The following LRRTM4 variants were observed in gnomAD, a reference collection of about 807,000 sequenced individuals.
LRRTM4 encodes leucine-rich repeat transmembrane neuronal protein 4.
A neutral mutation model predicts 47.6 loss-of-function variants in LRRTM4; 25 were observed. That is an observed-to-expected ratio of 0.53 (90% CI 0.38 to 0.73). The LOEUF (loss-of-function observed/expected upper bound fraction) is 0.73. Ranked by LOEUF, LRRTM4 falls within the 30% of genes least tolerant of loss-of-function variation. LRRTM4 has a pLI of 0.00. For missense variants in LRRTM4, 638 were observed against 713.4 expected (o/e 0.89, Z 1.20); for synonymous variants, 311 against 269.5 (o/e 1.15, Z -1.51).
At chr2:76,931,160 T>C (rs6719689) in intron 3 of LRRTM4, among the ~76,000 whole-genome samples, 94,051 of 152,022 alleles carry the variant, frequency 0.62, 31,035 homozygotes, top group African/African-American at 0.85. Flanking sequence ...GAATAGAAAA[T>C]ATATTTACTT....
intron 3 of LRRTM4, among the ~76,000 whole-genome samples, chr2:77,290,012 C>CT (rs113388278): frequency 0.11 from 17,007 of 151,444 alleles, 1,912 homozygotes; most frequent in African/African-American, 0.28. Flanking sequence ...AGTTTGTTTG[C>CT]TTTTTTTTAG....
intron 3 of LRRTM4, among the ~76,000 whole-genome samples, chr2:77,206,487 A>G (rs1464078437): frequency 6.6e-6 from 1 of 151,474 alleles, no homozygotes; most frequent in Non-Finnish European, 1.5e-5. Context: ...GCTTTGCCTC[A>G]AAAAAGATTT....
intron 3 of LRRTM4, among the ~76,000 whole-genome samples, chr2:76,961,691 C>A (rs1675866167): frequency 6.6e-6 from 1 of 151,248 alleles, no homozygotes; most frequent in Non-Finnish European, 1.5e-5. Context: ...CTTCAGATTC[C>A]TGATCGTCAG....
chr2:76,764,431 A>C (rs771309499), intron 3 of LRRTM4, among the ~76,000 whole-genome samples: 4 of 152,260 alleles, frequency 2.6e-5, no homozygotes, highest in African/African-American at 9.6e-5. Flanking sequence ...GGAGATCGAG[A>C]CCATCCTGGC....
intron 3 of LRRTM4, among the ~76,000 whole-genome samples, chr2:77,504,042 G>A (rs1280373059): frequency 1.3e-5 from 2 of 151,476 alleles, no homozygotes; most frequent in East Asian, 3.9e-4. Context: ...TGAAAGGGAA[G>A]TATAATACAG....
chr2:77,497,140 T>A (rs1678394168), intron 3 of LRRTM4, among the ~76,000 whole-genome samples: 1 of 151,806 alleles, frequency 6.6e-6, no homozygotes, highest in Non-Finnish European at 1.5e-5. Flanking sequence ...TTTGTGGTGA[T>A]CTTACCGCTC....
chr2:76,985,752 T>A (rs1676772103), intron 3 of LRRTM4, among the ~76,000 whole-genome samples: 1 of 152,128 alleles, frequency 6.6e-6, no homozygotes, highest in Admixed American at 6.6e-5. Flanking sequence ...ACCGGCTTTT[T>A]TGAATGGCAT....
chr2:77,065,767 A>G (rs1185535960), intron 3 of LRRTM4, among the ~76,000 whole-genome samples: 1 of 152,164 alleles, frequency 6.6e-6, no homozygotes, highest in African/African-American at 2.4e-5. Context: ...TCCCCCCATT[A>G]GTTAACAGAA....
intron 3 of LRRTM4, among the ~76,000 whole-genome samples, chr2:77,068,852 G>T (rs1680050814): frequency 6.6e-6 from 1 of 152,198 alleles, no homozygotes; most frequent in Non-Finnish European, 1.5e-5. Flanking sequence ...GAAGGTTGTG[G>T]GTTTACCGGA....
chr2:76,845,467 G>A (rs1437122555), intron 3 of LRRTM4, among the ~76,000 whole-genome samples: 1 of 152,080 alleles, frequency 6.6e-6, no homozygotes, highest in Non-Finnish European at 1.5e-5. Flanking sequence ...CTGAAAACAA[G>A]GTGCAGTAAC....
At chr2:77,023,881 C>G (rs140762908) in intron 3 of LRRTM4, among the ~76,000 whole-genome samples, 3 of 152,080 alleles carry the variant, frequency 2.0e-5, no homozygotes, top group African/African-American at 7.2e-5. Context: ...TCAGCAATGC[C>G]CCACTCTAGT....
chr2:77,048,677 A>C (rs1397385469), intron 3 of LRRTM4, among the ~76,000 whole-genome samples: 1 of 151,956 alleles, frequency 6.6e-6, no homozygotes, highest in Non-Finnish European at 1.5e-5. Flanking sequence ...TTATGGGCAT[A>C]GTGTGATATT....
intron 3 of LRRTM4, among the ~76,000 whole-genome samples, chr2:77,114,964 C>A (rs914911945): frequency 6.6e-6 from 1 of 152,126 alleles, no homozygotes; most frequent in Admixed American, 6.6e-5. Flanking sequence ...AGCAGACAAC[C>A]AGTCTGACTA....
intron 3 of LRRTM4, among the ~76,000 whole-genome samples, chr2:76,997,280 T>G (rs1009432688): frequency 2.3e-4 from 35 of 152,142 alleles, no homozygotes; most frequent in Non-Finnish European, 4.4e-5. Flanking sequence ...CTCATGCAGT[T>G]CAAATACAGC....
At chr2:76,795,563 A>G (rs550842189) in intron 3 of LRRTM4, among the ~76,000 whole-genome samples, 1 of 146,772 alleles carries the variant, frequency 6.8e-6, no homozygotes, top group Admixed American at 6.9e-5. Flanking sequence ...ATGCATATAT[A>G]CATGTGCATA....
chr2:77,399,823 G>A (rs1178682914), intron 3 of LRRTM4, among the ~76,000 whole-genome samples: 1 of 151,834 alleles, frequency 6.6e-6, no homozygotes, highest in Non-Finnish European at 1.5e-5. Flanking sequence ...AAGGGAAATT[G>A]GAAAAGATGT....
In LRRTM4 at chr2:77,012,443, TCTC is replaced by T. The variant is rs200667446; in HGVS notation, c.1552-263530_1552-263528del. Among the ~76,000 whole-genome samples the T allele has an allele frequency of 1.4e-3, 211 of 152,202 alleles. 2 individuals are homozygous for T. Among genetic ancestry groups the T allele is most frequent in the Admixed American group, 0.011 (171 of 15,270 alleles). ...AACTCCTCCCTTCCACTTTTCATCT[TCTC>T]CTGTTTCTTTAACTCAAAACTAAAG... On this transcript the variant is annotated intron_variant, in intron 3 of 3. Coordinates refer to ENST00000409884, the MANE Select transcript of LRRTM4 (RefSeq NM_001134745.3).
chr2:77,395,478 G>A (rs532799135), intron 3 of LRRTM4, among the ~76,000 whole-genome samples: 84 of 152,076 alleles, frequency 5.5e-4, no homozygotes, highest in African/African-American at 2.0e-3. Flanking sequence ...AGACCCCAAA[G>A]TAGCCAGTGC....
chr2:77,428,824 A>C (rs1558739262), intron 3 of LRRTM4, among the ~76,000 whole-genome samples: 1 of 152,216 alleles, frequency 6.6e-6, no homozygotes, highest in Non-Finnish European at 1.5e-5. Context: ...TTGCCTTGTG[A>C]TTAAGTAGAA....
Sources: gnomAD v4.1 joint callset for allele counts (sites outside exome capture counted in the v4.1 genomes callset) on GRCh38, gnomAD v4.1.1 for gene constraint, MANE v1.5 for transcripts, NCBI Gene and HGNC (gene_info 2026-07-23, HGNC 2026-07-21) for gene names.